Variants in GABRB2 observed in about 807,000 individuals in gnomAD.
The protein encoded by GABRB2 is gamma-aminobutyric acid receptor subunit beta-2.
GABRB2 carries 16 observed loss-of-function variants against 54.7 expected under a neutral mutation model. The ratio of observed to expected loss-of-function variants is 0.29; its 90% confidence interval spans 0.20 to 0.44. The LOEUF (loss-of-function observed/expected upper bound fraction) is 0.44. Among genes scored for constraint, GABRB2 ranks in the 20% least tolerant of loss-of-function variants. GABRB2 has a pLI of 1.00. For synonymous variants in GABRB2, 244 were observed against 233.8 expected (o/e 1.04, Z -0.40); for missense variants, 355 against 644.0 (o/e 0.55, Z 4.86).
At chr5:161,336,096 G>A (rs951595119) in intron 6 of GABRB2, among the ~76,000 whole-genome samples, 1 of 152,136 alleles carries the variant, frequency 6.6e-6, no homozygotes, top group Non-Finnish European at 1.5e-5. Flanking sequence ...TGCCGTAAGG[G>A]TGAAGATGGC....
intron 9 of GABRB2, among the ~76,000 whole-genome samples, 196 bp from the exon 10 acceptor site, chr5:161,294,624 A>G (rs1757331054): frequency 6.6e-6 from 1 of 152,210 alleles, no homozygotes; most frequent in East Asian, 1.9e-4. Context: ...CATTTATTAA[A>G]TGATATAATA....
At chr5:161,451,875 T>C (rs1346538771) in intron 4 of GABRB2, among the ~76,000 whole-genome samples, 1 of 152,140 alleles carries the variant, frequency 6.6e-6, no homozygotes, top group Non-Finnish European at 1.5e-5. Flanking sequence ...GTGGTGGTTA[T>C]CTCTGTGTGG....
intron 7 of GABRB2, among the ~76,000 whole-genome samples, chr5:161,333,624 T>C (rs763652887): frequency 6.6e-6 from 1 of 152,024 alleles, no homozygotes; most frequent in Non-Finnish European, 1.5e-5. Context: ...CCCTTTGTAA[T>C]AGCCCTTTTG....
chr5:161,546,525 T>C, intron 1 of GABRB2, 42 bp downstream of exon 1: 2 of 1,581,838 alleles, frequency 1.3e-6, no homozygotes, highest in Non-Finnish European at 1.7e-6. Context: ...GACAGAACCC[T>C]TCAAAGTGAG....
intron 5 of GABRB2, among the ~76,000 whole-genome samples, chr5:161,406,250 T>C (rs1756345960): frequency 6.6e-6 from 1 of 152,112 alleles, no homozygotes; most frequent in African/African-American, 2.4e-5. Flanking sequence ...TAGCTATTAA[T>C]TATTTTCCCT....
intron 7 of GABRB2, among the ~76,000 whole-genome samples, chr5:161,332,217 C>A (rs1262304892): frequency 6.7e-6 from 1 of 148,536 alleles, no homozygotes. Flanking sequence ...TCAGAGTAAT[C>A]CAACTGAATG....
intron 6 of GABRB2, among the ~76,000 whole-genome samples, chr5:161,335,355 A>G (rs532689243): frequency 7.9e-5 from 12 of 152,164 alleles, no homozygotes; most frequent in Non-Finnish European, 1.5e-4. Flanking sequence ...GTGATGTTTC[A>G]GGGAATGCAG....
intron 4 of GABRB2, among the ~76,000 whole-genome samples, chr5:161,415,102 G>A (rs938872821): frequency 3.3e-5 from 5 of 152,110 alleles, no homozygotes; most frequent in African/African-American, 7.2e-5. Flanking sequence ...ATAACTCAAC[G>A]CCACTACTAG....
At chr5:161,510,242 C>A (rs1759725229) in intron 3 of GABRB2, among the ~76,000 whole-genome samples, 1 of 151,622 alleles carries the variant, frequency 6.6e-6, no homozygotes, top group Non-Finnish European at 1.5e-5. Context: ...TTTTCCTCCC[C>A]CAGCTCCCCC....
At chr5:161,415,002 C>T (rs1756623037) in intron 4 of GABRB2, among the ~76,000 whole-genome samples, 1 of 152,152 alleles carries the variant, frequency 6.6e-6, no homozygotes, top group Non-Finnish European at 1.5e-5. Flanking sequence ...GCTGTTTCTA[C>T]AGGAAGAAGT....
intron 3 of GABRB2, among the ~76,000 whole-genome samples, chr5:161,524,242 C>CTTT (rs1370942491): frequency 6.6e-6 from 1 of 151,148 alleles, no homozygotes; most frequent in African/African-American, 2.4e-5. Flanking sequence ...GGTATTTGGC[C>CTTT]ATAAAACTTC....
At chr5:161,489,554 A>AGGAGCT (rs970650127) in intron 3 of GABRB2, among the ~76,000 whole-genome samples, 3 of 151,686 alleles carry the variant, frequency 2.0e-5, no homozygotes, top group African/African-American at 7.2e-5. Context: ...GGTTTGACTA[A>AGGAGCT]GGAGCTGAAG....
chr5:161,308,675 A>G (rs1757772081), intron 9 of GABRB2, among the ~76,000 whole-genome samples: 1 of 152,216 alleles, frequency 6.6e-6, no homozygotes, highest in Admixed American at 6.5e-5. Context: ...ACATATACCA[A>G]TGGAGCAGAA....
intron 4 of GABRB2, among the ~76,000 whole-genome samples, chr5:161,436,652 A>G (rs1354686307): frequency 1.3e-5 from 2 of 152,284 alleles, no homozygotes; most frequent in African/African-American, 4.8e-5. Flanking sequence ...ATCTACACAG[A>G]AAAATATACT....
At chr5:161,304,808 T>C (rs1327481497) in intron 9 of GABRB2, among the ~76,000 whole-genome samples, 2 of 151,946 alleles carry the variant, frequency 1.3e-5, no homozygotes, top group Admixed American at 6.6e-5. Flanking sequence ...ATAAAATGCA[T>C]GATGAATTGA....
intron 5 of GABRB2, among the ~76,000 whole-genome samples, chr5:161,349,805 GA>G (rs902446351): frequency 2.6e-4 from 40 of 152,212 alleles, no homozygotes; most frequent in African/African-American, 9.6e-4. Flanking sequence ...GGGCTTGAAA[GA>G]AGAGCCTTTC....
At chr5:161,361,959 G>T (rs1239851356) in intron 5 of GABRB2, among the ~76,000 whole-genome samples, 4 of 152,170 alleles carry the variant, frequency 2.6e-5, no homozygotes, top group African/African-American at 4.8e-5. Context: ...TGCATAAGGT[G>T]TAAGGTAGGG....
At chr5:161,524,517 A>T (rs1260337491) in intron 3 of GABRB2, among the ~76,000 whole-genome samples, 2 of 151,556 alleles carry the variant, frequency 1.3e-5, no homozygotes, top group African/African-American at 2.4e-5. Flanking sequence ...CATTGTTGTG[A>T]CTTAACAGTT....
intron 5 of GABRB2, among the ~76,000 whole-genome samples, chr5:161,391,793 C>T (rs1490456877): frequency 1.3e-5 from 2 of 152,096 alleles, no homozygotes; most frequent in Non-Finnish European, 2.9e-5. Flanking sequence ...GAAAATTTTG[C>T]TTTTCTAGAA....
Sources: gnomAD v4.1 joint callset for allele counts (sites outside exome capture counted in the v4.1 genomes callset) on GRCh38, gnomAD v4.1.1 for gene constraint, MANE v1.5 for transcripts, NCBI Gene and HGNC (gene_info 2026-07-23, HGNC 2026-07-21) for gene names.